The following RET variants were observed in gnomAD, a reference collection of about 807,000 sequenced individuals.
RET encodes the protein proto-oncogene tyrosine-protein kinase receptor Ret.
RET carries 19 observed loss-of-function variants against 118.3 expected under a neutral mutation model. The observed-to-expected ratio is 0.16, with a 90% confidence interval of 0.11 to 0.24. The LOEUF is 0.24. RET is among the 10% of genes least tolerant of loss of function. RET has a pLI of 1.00. For synonymous variants in RET, 597 were observed against 644.1 expected (o/e 0.93, Z 1.11); for missense variants, 1,219 against 1,502.1 (o/e 0.81, Z 3.12).
intron 1 of RET, among the ~76,000 whole-genome samples, chr10:43,088,032 AGTG>A (rs1010444764): frequency 6.6e-6 from 1 of 151,116 alleles, no homozygotes; most frequent in African/African-American, 2.4e-5. Context: ...CATGATAGTG[AGTG>A]GTGGTTGTGG....
intron 1 of RET, among the ~76,000 whole-genome samples, chr10:43,092,401 G>A (rs557816821): frequency 1.0e-3 from 154 of 152,322 alleles, no homozygotes; most frequent in Non-Finnish European, 1.9e-3. Context: ...GGTTTGCATG[G>A]CAGTGTGAAT....
At chr10:43,092,835 C>T (rs1374418475) in intron 1 of RET, among the ~76,000 whole-genome samples, 1 of 152,196 alleles carries the variant, frequency 6.6e-6, no homozygotes, top group Admixed American at 6.5e-5. Context: ...GGGCACTGCA[C>T]GTGTGCACAG....
intron 5 of RET, 81 bp from the exon 6 acceptor site, chr10:43,108,950 G>C (rs1837846415): frequency 7.4e-7 from 1 of 1,359,772 alleles, no homozygotes; most frequent in African/African-American, 1.4e-5. Flanking sequence ...TGAGTGCAGG[G>C]CTGTGTCTGG....
intron 1 of RET, among the ~76,000 whole-genome samples, chr10:43,085,101 G>C (rs1837262035): frequency 6.6e-6 from 1 of 152,218 alleles, no homozygotes; most frequent in Non-Finnish European, 1.5e-5. Flanking sequence ...GGCCAGCATG[G>C]AGCTGGGGGG....
intron 3 of RET, 23 bp from the exon 4 acceptor site, chr10:43,104,929 G>C (rs1439779904): frequency 5.8e-6 from 9 of 1,550,160 alleles, no homozygotes; most frequent in Admixed American, 1.9e-5. Flanking sequence ...ATCACGCGGG[G>C]CCCCTGTCTG....
rs377767427 is a variant in RET, at chr10:43,120,114, C to G, written c.2641C>G (p.Leu881Val). The G allele has an allele frequency of 6.8e-6, 11 of 1,613,978 alleles. No individual in the cohort carries two copies. The highest frequency in any genetic ancestry group is 1.1e-5 in the South Asian group (1 of 91,044). The change falls in exon 15 of 20, where the codon CTG (leucine) becomes GTG (valine). Residue 881 changes from leucine to valine, a missense_variant. Transcript: ENST00000355710. ...VHRDLAARNI[L>V]VAEGRKMKIS... ...TCGGGACTTGGCAGCCAGAAACATCCTGGTAGCTGAGGGGCGGAAGATGAA... is the reference window on the plus strand; with the variant it reads ...TCGGGACTTGGCAGCCAGAAACATCGTGGTAGCTGAGGGGCGGAAGATGAA...
In RET at chr10:43,106,581, G is replaced by A. The variant is rs374666249; in HGVS notation, c.1063+10G>A. The stretch of plus-strand genomic sequence containing the variant: ...ACCGTACATGACTATAGTAAGAGGG[G>A]CTGGTGGCACGGCCTGGCTAGGCCC... On this transcript the variant is annotated intron_variant, in intron 5 of 19. Transcript: ENST00000355710. This position sits in a 1 kb window ranked among gnomAD's most constrained non-coding sequence, Gnocchi z 5.1. 6 of 1,612,630 alleles carry A rather than the reference G, an allele frequency of 3.7e-6. No individual in the cohort carries two copies. The African/African-American group carries it at 6.7e-5, about 18-fold the overall frequency.
intron 1 of RET, among the ~76,000 whole-genome samples, chr10:43,093,259 G>A (rs901856693): frequency 6.6e-6 from 1 of 152,114 alleles, no homozygotes; most frequent in Non-Finnish European, 1.5e-5. Context: ...TGGCTCCTCT[G>A]TGCGAGATTG....
chr10:43,112,717 A>G, intron 8 of RET, 136 bp from the exon 9 acceptor site: 2 of 729,540 alleles, frequency 2.7e-6, no homozygotes, highest in South Asian at 1.5e-5. Context: ...TTCCGCTGGC[A>G]AGGCTCTGTA....
At chr10:43,100,370 C>G (rs543240698) in intron 1 of RET, 89 bp from the exon 2 acceptor site, 4 of 1,484,802 alleles carry the variant, frequency 2.7e-6, no homozygotes, top group Admixed American at 1.7e-5. Context: ...CTGCTAAGAT[C>G]GGAATTTTAA....
chr10:43,079,101 G>A (rs1397838656), intron 1 of RET, among the ~76,000 whole-genome samples: 1 of 152,174 alleles, frequency 6.6e-6, no homozygotes, highest in Non-Finnish European at 1.5e-5. Context: ...GCCCTCTTGC[G>A]GACGCTGCAC....
chr10:43,079,297 C>T (rs1017267741), intron 1 of RET, among the ~76,000 whole-genome samples: 1 of 152,186 alleles, frequency 6.6e-6, no homozygotes, highest in Non-Finnish European at 1.5e-5. Context: ...CACCCACGTC[C>T]ACACAGGGAC....
chr10:43,088,929 C>G (rs1174483246), intron 1 of RET, among the ~76,000 whole-genome samples: 1 of 152,242 alleles, frequency 6.6e-6, no homozygotes, highest in Admixed American at 6.5e-5. Flanking sequence ...CTTTTCCCCT[C>G]CTTTCACTCT....
Position 43,114,348 on chromosome 10 carries a change from C to T in RET, c.1880-132C>T. On this transcript the variant is annotated intron_variant, in intron 10 of 19. Transcript: ENST00000355710. This position sits in a 1 kb window ranked among gnomAD's most constrained non-coding sequence, Gnocchi z 4.6. ...GATGGGGTGTTCTCAGGCCTTCCCA[C>T]ACCTCCATGGCCACTTCCCAGCTGG... 7.9e-7 allele frequency: 1 copy of T among 1,271,224 alleles called. No individual in the cohort carries two copies. The highest frequency in any genetic ancestry group is 1.1e-6 in the Non-Finnish European group (1 of 905,188). 78.7% of individuals were successfully genotyped at this position (1,271,224 alleles called of 1,614,324 possible). A position where few individuals can be genotyped will look rare whatever the true frequency, so the allele number is the denominator to read the frequency against.
rs1363015786 is a variant in RET at position 43,120,110 on chromosome 10, C to T, written c.2637C>T (p.Asn879=). ...TTCATCGGGACTTGGCAGCCAGAAACATCCTGGTAGCTGAGGGGCGGAAGA... is the reference window on the plus strand; with the variant it reads ...TTCATCGGGACTTGGCAGCCAGAAATATCCTGGTAGCTGAGGGGCGGAAGA... The part of the protein sequence containing the change: ...KLVHRDLAAR[N]ILVAEGRKMK... The change falls in exon 15 of 20, where the codon AAC becomes AAT. Residue 879 remains asparagine (N), a synonymous_variant. Coordinates refer to ENST00000355710, the MANE Select transcript of RET (RefSeq NM_020975.6). 1 of 1,614,026 alleles carries T rather than the reference C, an allele frequency of 6.2e-7. No homozygotes were observed. Among genetic ancestry groups the T allele is most frequent in the South Asian group, 1.1e-5 (1 of 91,062 alleles).
chr10:43,109,329 C>A (rs979357910), intron 6 of RET, 99 bp downstream of exon 6: 2 of 1,198,926 alleles, frequency 1.7e-6, no homozygotes, highest in Non-Finnish European at 2.4e-6. Flanking sequence ...CCAACCAGCA[C>A]AGAGTAGACT....
rs994420339 is a variant in RET, at chr10:43,077,358, G to C, written c.73+27G>C. ...TGAGTTCTGCCGGCCGCCGGCTCCC[G>C]CAGGGGCCAGGGCGAAGTTGGCGCC... On this transcript the variant is annotated intron_variant, in intron 1 of 19. Coordinates refer to ENST00000355710, the MANE Select transcript of RET (RefSeq NM_020975.6). 2.7e-6 allele frequency: 4 copies of C among 1,502,662 alleles called. No homozygotes were observed. The African/African-American group carries it at 5.8e-5, about 22-fold the overall frequency. 93.1% of individuals were successfully genotyped at this position (1,502,662 alleles called of 1,614,324 possible). A position where few individuals can be genotyped will look rare whatever the true frequency, so the allele number is the denominator to read the frequency against.
In RET at chr10:43,106,262, C is replaced by A; in HGVS notation, c.868-114C>A. ...CCCCAGACCTGGCTCTGACAACACA[C>A]ATCTGGTCCACCTATGGGCTGTGTG... On this transcript the variant is annotated intron_variant, in intron 4 of 19. Transcript: ENST00000355710. The surrounding 1 kb of genome is among the most constrained non-coding windows in gnomAD (Gnocchi z 5.1). 9.5e-7 allele frequency: 1 copy of A among 1,056,058 alleles called. No homozygotes were observed. The highest frequency in any genetic ancestry group is 1.4e-6 in the Non-Finnish European group (1 of 706,854). The allele number at this position is 1,056,058 out of a possible 1,614,324, so 65.4% of individuals were successfully genotyped here.
chr10:43,095,600 T>C (rs1221721816), intron 1 of RET, among the ~76,000 whole-genome samples: 4 of 152,200 alleles, frequency 2.6e-5, no homozygotes, highest in Non-Finnish European at 4.4e-5. Flanking sequence ...GTGTGGAACA[T>C]TGGAAACAGT....
Sources: allele counts gnomAD v4.1 joint callset (sites outside exome capture counted in the v4.1 genomes callset), GRCh38; gene constraint gnomAD v4.1.1; non-coding constraint Gnocchi (gnomAD v3.1); transcripts MANE v1.5; gene names NCBI Gene and HGNC (gene_info 2026-07-23, HGNC 2026-07-21).